PTPRD: variants seen among roughly 807,000 people sequenced by gnomAD.
The protein encoded by PTPRD is receptor-type tyrosine-protein phosphatase delta.
PTPRD carries 34 observed loss-of-function variants against 214.5 expected under a neutral mutation model. That is an observed-to-expected ratio of 0.16 (90% confidence interval 0.12 to 0.21). The LOEUF is 0.21. Among genes scored for constraint, PTPRD ranks in the 10% least tolerant of loss-of-function variants. The pLI, the probability that PTPRD is intolerant of heterozygous loss-of-function variation, is 1.00. For missense variants in PTPRD, 2,545 were observed against 2,398.7 expected, an observed-to-expected ratio of 1.06 and a Z score of -1.27; for synonymous variants, 1,128 against 845.7, an observed-to-expected ratio of 1.33 and a Z score of -5.79.
chr9:9,552,769 C>CT (rs767079441), intron 8 of PTPRD, among the ~76,000 whole-genome samples: 4 of 152,052 alleles, frequency 2.6e-5, no homozygotes, highest in Non-Finnish European at 5.9e-5. Context: ...GACATGGCTG[C>CT]TTTTCAAAGA....
intron 5 of PTPRD, among the ~76,000 whole-genome samples, chr9:9,805,221 C>T (rs1031456134): frequency 5.9e-5 from 9 of 152,048 alleles, no homozygotes; most frequent in African/African-American, 1.7e-4. Flanking sequence ...ATGTTAACAA[C>T]CTCACAATGA....
Position 8,338,865 on chromosome 9 carries a change from G to GAGAGAGAGAGAGAGA in PTPRD, c.5379+56_5379+57insTCTCTCTCTCTCTCT, listed in dbSNP as rs1554723226. 7,624 of 1,499,742 alleles carry GAGAGAGAGAGAGAGA rather than the reference G, an allele frequency of 5.1e-3. 1 individual carries two copies. The highest frequency in any genetic ancestry group is 7.6e-3 in the South Asian group (580 of 76,262). The allele number at this position is 1,499,742 out of a possible 1,614,324, so 92.9% of individuals were successfully genotyped here. A position where few individuals can be genotyped will look rare whatever the true frequency, so the allele number is the denominator to read the frequency against. On this transcript the variant is annotated intron_variant, in intron 43 of 45. Coordinates refer to ENST00000381196, the MANE Select transcript of PTPRD (RefSeq NM_002839.4). ...CTTCTCCCAGAGAGAGAGAGAGAGAGGTATCTTAGACTACTTTTCAGCTAA... is the reference window on the plus strand; with the variant it reads ...CTTCTCCCAGAGAGAGAGAGAGAGAGAGAGAGAGAGAGAGAGTATCTTAGACTACTTTTCAGCTAA...
chr9:10,103,395 T>TATATATATATATA lies in PTPRD; in HGVS notation c.-544-69606_-544-69605insTATATATATATAT, dbSNP rs34926923. 7.9e-3 allele frequency among the ~76,000 whole-genome samples: 926 copies of TATATATATATATA among 116,656 alleles called. 78 individuals carry two copies. The highest frequency in any genetic ancestry group is 0.027 in the African/African-American group (846 of 31,434). 76.5% of individuals were successfully genotyped at this position (116,656 alleles called of 152,430 possible). A position where few individuals can be genotyped will look rare whatever the true frequency, so the allele number is the denominator to read the frequency against. On this transcript the variant is annotated intron_variant, in intron 3 of 45. Transcript: ENST00000381196. ...CTGCATATTATATATATATATATAT[T>TATATATATATATA]TATTTAAGAGCATTGCAGTAAGAAA...
intron 14 of PTPRD, among the ~76,000 whole-genome samples, chr9:8,584,512 A>C (rs2093474302): frequency 6.6e-6 from 1 of 152,142 alleles, no homozygotes; most frequent in Non-Finnish European, 1.5e-5. Flanking sequence ...CCATTCCCTC[A>C]AAATGTGGCA....
intron 7 of PTPRD, among the ~76,000 whole-genome samples, chr9:9,673,950 G>T (rs2096880270): frequency 6.6e-6 from 1 of 151,614 alleles, no homozygotes; most frequent in African/African-American, 2.4e-5. Flanking sequence ...TATCTTTCAA[G>T]AAAAATGATG....
At chr9:8,767,015 C>G (rs117408668) in intron 11 of PTPRD, among the ~76,000 whole-genome samples, 90 of 152,260 alleles carry the variant, frequency 5.9e-4, no homozygotes, top group African/African-American at 2.1e-3. Context: ...ATATTTCTGA[C>G]CCTAAGCTTT....
chr9:9,609,384 CA>C (rs559373263), intron 7 of PTPRD, among the ~76,000 whole-genome samples: 1 of 151,930 alleles, frequency 6.6e-6, no homozygotes, highest in Non-Finnish European at 1.5e-5. Context: ...AAAAACAAAA[CA>C]AAAAAACAGA....
intron 2 of PTPRD, among the ~76,000 whole-genome samples, chr9:10,483,300 C>T (rs1213088261): frequency 6.6e-6 from 1 of 152,032 alleles, no homozygotes; most frequent in East Asian, 1.9e-4. Context: ...GGATTAAAGA[C>T]TTAAATCTAA....
At chr9:8,981,384 G>A (rs963152284) in intron 11 of PTPRD, among the ~76,000 whole-genome samples, 1 of 151,960 alleles carries the variant, frequency 6.6e-6, no homozygotes, top group African/African-American at 2.4e-5. Context: ...GTTGCCATTT[G>A]ATTCAGTTCT....
At chr9:8,802,745 T>A (rs1349992612) in intron 11 of PTPRD, among the ~76,000 whole-genome samples, 1 of 152,200 alleles carries the variant, frequency 6.6e-6, no homozygotes, top group Non-Finnish European at 1.5e-5. Flanking sequence ...ATTCTTCCAA[T>A]TGCCTCATCT....
Position 8,317,923 on chromosome 9 carries a change from T to C in PTPRD, c.5690A>G (p.Tyr1897Cys), listed in dbSNP as rs1199229427. The C allele has an allele frequency of 2.5e-6, 4 of 1,611,990 alleles. No individual in the cohort carries two copies. The highest frequency in any genetic ancestry group is 3.3e-5 in the Admixed American group (2 of 59,866). ...GCCCAGGTACTCTAGTGCGGCACGATAGGAAAACTGATATTGATCCTGCAG... is the reference window on the plus strand; with the variant it reads ...GCCCAGGTACTCTAGTGCGGCACGACAGGAAAACTGATATTGATCCTGCAG... ...VQTEDQYQFS[Y>C]RAALEYLGSF... is the part of the protein sequence containing the mutation. The change falls in exon 46 of 46, where the codon TAT (tyrosine) becomes TGT (cysteine). Residue 1897 changes from tyrosine to cysteine, a missense_variant. Tyr to Cys is a radical substitution (Grantham distance 194). Coordinates refer to ENST00000381196, the MANE Select transcript of PTPRD (RefSeq NM_002839.4).
intron 5 of PTPRD, among the ~76,000 whole-genome samples, chr9:9,811,336 G>A (rs2047071443): frequency 6.6e-6 from 1 of 152,154 alleles, no homozygotes; most frequent in Non-Finnish European, 1.5e-5. Flanking sequence ...AACTACAAGT[G>A]GAGCCTGAAG....
chr9:8,747,387 G>C (rs1437297353), intron 11 of PTPRD, among the ~76,000 whole-genome samples: 1 of 152,038 alleles, frequency 6.6e-6, no homozygotes, highest in African/African-American at 2.4e-5. Context: ...AACTTCCGAG[G>C]AAACACCTAT....
At chr9:9,833,256 G>C (rs1221050585) in intron 5 of PTPRD, among the ~76,000 whole-genome samples, 2 of 151,946 alleles carry the variant, frequency 1.3e-5, no homozygotes, top group African/African-American at 4.8e-5. Flanking sequence ...GAGTACAAAA[G>C]AGATAAATTT....
intron 8 of PTPRD, among the ~76,000 whole-genome samples, chr9:9,468,470 A>G (rs1433543176): frequency 6.6e-6 from 1 of 152,010 alleles, no homozygotes; most frequent in Non-Finnish European, 1.5e-5. Context: ...TCTTTATCCT[A>G]GTCTTCCAAA....
intron 6 of PTPRD, among the ~76,000 whole-genome samples, chr9:9,746,756 C>G (rs769401018): frequency 2.5e-4 from 38 of 151,498 alleles, no homozygotes; most frequent in Admixed American, 6.6e-4. Context: ...TAGGAATGTC[C>G]ATCTTGGGTC....
At position 10,378,194 on chromosome 9, in the gene PTPRD, C is replaced by T. The variant is rs532123415; in HGVS notation, c.-599-37177G>A. 7.9e-5 allele frequency among the ~76,000 whole-genome samples: 12 copies of T among 152,048 alleles called. No individual in the cohort carries two copies. In the South Asian group the frequency reaches 2.5e-3, roughly 32 times the overall value. Reference sequence around the variant, plus strand: ...TGAACACCTTTTCATATGCCTGCTTCTTAAATGTTCTGGTTATTTATCTCT... The same window carrying T: ...TGAACACCTTTTCATATGCCTGCTTTTTAAATGTTCTGGTTATTTATCTCT... On this transcript the variant is annotated intron_variant, in intron 2 of 45. Coordinates refer to ENST00000381196, the MANE Select transcript of PTPRD (RefSeq NM_002839.4).
intron 10 of PTPRD, among the ~76,000 whole-genome samples, chr9:9,095,225 C>T (rs1569539573): frequency 6.6e-6 from 1 of 152,092 alleles, no homozygotes; most frequent in East Asian, 1.9e-4. Context: ...TCACCACTCC[C>T]ACCCAACATA....
Position 10,219,465 on chromosome 9 carries a change from C to T in PTPRD, c.-545+121498G>A, listed in dbSNP as rs910406095. ...ATCACTGGCATTAATTGGGTTTACCCCCTTCTGATTTACGAGCAAAGGAAT... is the reference window on the plus strand; with the variant it reads ...ATCACTGGCATTAATTGGGTTTACCTCCTTCTGATTTACGAGCAAAGGAAT... On this transcript the variant is annotated intron_variant, in intron 3 of 45. Coordinates refer to ENST00000381196, the MANE Select transcript of PTPRD (RefSeq NM_002839.4). Among the ~76,000 whole-genome samples the T allele has an allele frequency of 5.3e-5, 8 of 151,570 alleles. No homozygotes were observed. The Admixed American group carries it at 5.3e-4, about 10-fold the overall frequency.
Sources: allele counts gnomAD v4.1 joint callset (sites outside exome capture counted in the v4.1 genomes callset), GRCh38; gene constraint gnomAD v4.1.1; transcripts MANE v1.5; gene names NCBI Gene and HGNC (gene_info 2026-07-23, HGNC 2026-07-21).